KCNV2: variants seen among roughly 807,000 people sequenced by gnomAD.
The protein encoded by KCNV2 is potassium voltage-gated channel modifier subfamily V member 2.
In KCNV2, 65 loss-of-function variants were observed where a neutral mutation model predicts 37.0. The observed-to-expected ratio is 1.76, with a 90% CI of 1.44 to 2.16. The LOEUF is 2.16. KCNV2 is among the 30% of genes most tolerant of loss of function. The pLI is 0.00. For synonymous variants in KCNV2, 518 were observed against 328.6 expected, an observed-to-expected ratio of 1.58 and a Z score of -6.23; for missense variants, 1,232 against 766.7, an observed-to-expected ratio of 1.61 and a Z score of -7.17.
chr9:2,729,343 A>G, intron 1 of KCNV2, 103 bp from the exon 2 acceptor site: 1 of 1,289,736 alleles, frequency 7.8e-7, no homozygotes, highest in African/African-American at 1.5e-5. Flanking sequence ...TACACTTCCC[A>G]TGTGTACCCA....
In KCNV2 at chr9:2,718,355, C is replaced by T. The variant is rs377471498; in HGVS notation, c.616C>T (p.Arg206Trp). 2.5e-6 allele frequency: 4 copies of T among 1,599,062 alleles called. No individual in the cohort carries two copies. Among genetic ancestry groups the T allele is most frequent in the East Asian group, 2.3e-5 (1 of 44,354 alleles). Residue 206 changes from arginine to tryptophan, a missense_variant, in exon 1 of 2, where the codon CGG becomes TGG. Physicochemically the swap from Arg to Trp is moderately radical, Grantham distance 101. Transcript: ENST00000382082. Reference protein sequence around the residue: ...PRCCRICFEERRDELSERLKI... With the variant: ...PRCCRICFEEWRDELSERLKI... ...CTGCTGCCGCATCTGCTTCGAGGAGCGGCGCGACGAGCTGAGCGAACGGCT... is the reference window on the plus strand; with the variant it reads ...CTGCTGCCGCATCTGCTTCGAGGAGTGGCGCGACGAGCTGAGCGAACGGCT...
In KCNV2 at chr9:2,718,057, C is replaced by G; in HGVS notation, c.318C>G (p.His106Gln). 1 of 1,607,320 alleles carries G rather than the reference C, an allele frequency of 6.2e-7. No individual in the cohort carries two copies. The highest frequency in any genetic ancestry group is 1.1e-5 in the South Asian group (1 of 90,342). The change falls in exon 1 of 2, where the codon CAC becomes CAG. Residue 106 changes from histidine to glutamine, a missense_variant. His to Gln is a conservative substitution (Grantham distance 24, BLOSUM62 0). Coordinates refer to ENST00000382082, the MANE Select transcript of KCNV2 (RefSeq NM_133497.4). ...CGCTGAATGTGAACGTGGGTGGCCACAGCTACCAGCTGGACTACTGCGAGC... is the reference window on the plus strand; with the variant it reads ...CGCTGAATGTGAACGTGGGTGGCCAGAGCTACCAGCTGGACTACTGCGAGC... ...LSTLNVNVGG[H>Q]SYQLDYCELA...
chr9:2,718,865 T>TTGCGCGTCA lies in KCNV2; in HGVS notation c.1132_1140dup (p.Val378_Arg380dup), dbSNP rs1252673525. ...CAGCGTGGGTAAGGTGGGTCAGGTG[T>TTGCGCGTCA]TGCGCGTCATGCGCCTCATGCGCAT... On this transcript the variant is annotated inframe_insertion, in exon 1 of 2. Transcript: ENST00000382082. 2.5e-6 allele frequency: 4 copies of TTGCGCGTCA among 1,608,822 alleles called. No individual in the cohort carries two copies. Among genetic ancestry groups the TTGCGCGTCA allele is most frequent in the Admixed American group, 1.7e-5 (1 of 60,006 alleles).
At chr9:2,726,413 C>T (rs1318170938) in intron 1 of KCNV2, among the ~76,000 whole-genome samples, 1 of 152,104 alleles carries the variant, frequency 6.6e-6, no homozygotes, top group Non-Finnish European at 1.5e-5. Flanking sequence ...ATATTTGGAT[C>T]ATATTATACA....
chr9:2,719,926 G>T (rs1819834872), intron 1 of KCNV2, among the ~76,000 whole-genome samples: 2 of 152,186 alleles, frequency 1.3e-5, no homozygotes, highest in African/African-American at 4.8e-5. Flanking sequence ...TTTATAACTT[G>T]TGCTGTTTAC....
At chr9:2,729,419 T>C in intron 1 of KCNV2, 27 bp from the exon 2 acceptor site, 1 of 1,612,346 alleles carries the variant, frequency 6.2e-7, no homozygotes, top group Non-Finnish European at 8.5e-7. Flanking sequence ...GTGCTAACAA[T>C]TCCATCCTGC....
chr9:2,726,617 C>T (rs1819971581), intron 1 of KCNV2, among the ~76,000 whole-genome samples: 1 of 152,160 alleles, frequency 6.6e-6, no homozygotes, highest in Admixed American at 6.5e-5. Flanking sequence ...CCATCCCCGC[C>T]ATCCTGAACC....
chr9:2,717,734 G>T lies in KCNV2; in HGVS notation c.-6G>T. 6.2e-7 allele frequency: 1 copy of T among 1,614,182 alleles called. No individual in the cohort carries two copies. Among genetic ancestry groups the T allele is most frequent in the East Asian group, 2.2e-5 (1 of 44,878 alleles). ...GGAAAAAGCTAGGCGTCCACTTTCC[G>T]CAGCCATGCTCAAACAGAGTGAGAG... On this transcript the variant is annotated 5_prime_UTR_variant, in exon 1 of 2. Transcript: ENST00000382082.
rs527647651 is a variant in KCNV2 at position 2,718,733 on chromosome 9, C to T, written c.994C>T (p.Arg332Cys). The change falls in exon 1 of 2, where the codon CGC becomes TGC. Residue 332 changes from arginine to cysteine, a missense_variant. Transcript: ENST00000382082. ...CACGCCCGACCTGAGGCGCTTCGCG[C>T]GCAGCGCCCTCAACCTGGTGGACCT... The part of the protein sequence containing the change: ...ASTPDLRRFA[R>C]SALNLVDLVA... 1.9e-6 allele frequency: 3 copies of T among 1,612,418 alleles called. No homozygotes were observed. The highest frequency in any genetic ancestry group is 1.1e-5 in the South Asian group (1 of 91,082).
In KCNV2 at chr9:2,718,134, G is replaced by A; in HGVS notation, c.395G>A (p.Arg132His). ...GGTCGCCTGGCCACCTCCACCAGCC[G>A]CAGCCGCCAGCTAAGCCTGTGCGAC... ...RLGRLATSTS[R>H]SRQLSLCDDY... The change falls in exon 1 of 2, where the codon CGC becomes CAC. Residue 132 changes from arginine (R) to histidine (H), a missense_variant. Arg to His is a conservative substitution (Grantham distance 29). Coordinates refer to ENST00000382082, the MANE Select transcript of KCNV2 (RefSeq NM_133497.4). The A allele has an allele frequency of 3.1e-6, 5 of 1,608,022 alleles. No homozygotes were observed. Among genetic ancestry groups the A allele is most frequent in the East Asian group, 2.2e-5 (1 of 44,674 alleles).
chr9:2,724,225 C>G (rs1014483263), intron 1 of KCNV2, among the ~76,000 whole-genome samples: 1 of 151,450 alleles, frequency 6.6e-6, no homozygotes, highest in Non-Finnish European at 1.5e-5. Flanking sequence ...CCATTTTGTC[C>G]CAGAGACCTT....
rs920301311 is a variant in KCNV2 at position 2,718,372 on chromosome 9, C to A, written c.633C>A (p.Ser211Arg). Residue 211 changes from serine to arginine, a missense_variant, in exon 1 of 2, where the codon AGC (serine) becomes AGA (arginine). By Grantham distance (110) the Ser-to-Arg change is moderately radical. Coordinates refer to ENST00000382082, the MANE Select transcript of KCNV2 (RefSeq NM_133497.4). ...ICFEERRDEL[S>R]ERLKIQHELR... is the part of the protein sequence containing the mutation. Reference sequence around the variant, plus strand: ...TCGAGGAGCGGCGCGACGAGCTGAGCGAACGGCTCAAGATCCAGCACGAGC... The same window carrying A: ...TCGAGGAGCGGCGCGACGAGCTGAGAGAACGGCTCAAGATCCAGCACGAGC... 1.3e-6 allele frequency: 2 copies of A among 1,599,312 alleles called. No individual in the cohort carries two copies. The highest frequency in any genetic ancestry group is 2.7e-5 in the African/African-American group (2 of 74,826).
At chr9:2,719,543 A>T (rs936387593) in intron 1 of KCNV2, among the ~76,000 whole-genome samples, 1 of 152,080 alleles carries the variant, frequency 6.6e-6, no homozygotes, top group African/African-American at 2.4e-5. Flanking sequence ...ACAGAGAAGG[A>T]GGTGAGACTT....
At chr9:2,723,265 G>A (rs1187473618) in intron 1 of KCNV2, among the ~76,000 whole-genome samples, 2 of 152,132 alleles carry the variant, frequency 1.3e-5, no homozygotes, top group African/African-American at 2.4e-5. Flanking sequence ...TGTGAAATAT[G>A]CATCCCACAT....
chr9:2,722,709 C>T (rs898708487), intron 1 of KCNV2, among the ~76,000 whole-genome samples: 2 of 151,772 alleles, frequency 1.3e-5, no homozygotes, highest in African/African-American at 4.8e-5. Flanking sequence ...AAACATCAAG[C>T]GTTTATTTAG....
intron 1 of KCNV2, among the ~76,000 whole-genome samples, chr9:2,728,070 A>C (rs1160547499): frequency 1.3e-5 from 2 of 152,120 alleles, no homozygotes; most frequent in Admixed American, 6.5e-5. Flanking sequence ...CGTGGGCTGG[A>C]TGGAGCTGTG....
At chr9:2,724,893 C>T (rs1819944901) in intron 1 of KCNV2, among the ~76,000 whole-genome samples, 1 of 152,198 alleles carries the variant, frequency 6.6e-6, no homozygotes, top group Non-Finnish European at 1.5e-5. Context: ...TAAGAGACAA[C>T]ATATAAATAT....
rs1448564402 is a variant in KCNV2 at position 2,718,967 on chromosome 9, C to A, written c.1228C>A (p.Gln410Lys). The part of the protein sequence containing the change: ...FGFTLRQCYQ[Q>K]VGCLLLFIAM... ...CTTCACGCTGCGCCAGTGCTACCAG[C>A]AGGTGGGCTGCCTGCTGCTCTTCAT... Residue 410 changes from glutamine to lysine, a missense_variant, in exon 1 of 2, where the codon CAG (glutamine) becomes AAG (lysine). Transcript: ENST00000382082. 2.5e-6 allele frequency: 4 copies of A among 1,611,036 alleles called. No individual in the cohort carries two copies. The highest frequency in any genetic ancestry group is 3.4e-6 in the Non-Finnish European group (4 of 1,180,022).
chr9:2,722,960 T>C (rs781752063), intron 1 of KCNV2, among the ~76,000 whole-genome samples: 19 of 152,128 alleles, frequency 1.2e-4, no homozygotes, highest in Non-Finnish European at 2.5e-4. Context: ...TTTCATGGCA[T>C]TTGCTCAGCC....
Sources: gnomAD v4.1 joint callset for allele counts (sites outside exome capture counted in the v4.1 genomes callset) on GRCh38, gnomAD v4.1.1 for gene constraint, MANE v1.5 for transcripts, NCBI Gene and HGNC (gene_info 2026-07-23, HGNC 2026-07-21) for gene names.